Variants in XIRP2 observed in about 807,000 individuals in gnomAD.
The protein encoded by XIRP2 is xin actin-binding repeat-containing protein 2.
In XIRP2, 236 loss-of-function variants were observed where a neutral mutation model predicts 277.0. The ratio of observed to expected loss-of-function variants is 0.85; its 90% CI spans 0.77 to 0.95. The LOEUF (loss-of-function observed/expected upper bound fraction) is 0.95, where lower values mean the gene tolerates loss of function less well. XIRP2 is among the 40% of genes least tolerant of loss of function. XIRP2 has a pLI of 0.00. For missense variants in XIRP2, 4,640 were observed against 4,157.5 expected, an observed-to-expected ratio of 1.12 and a Z score of -3.19; for synonymous variants, 1,490 against 1,416.5, an observed-to-expected ratio of 1.05 and a Z score of -1.17.
intron 2 of XIRP2, among the ~76,000 whole-genome samples, chr2:166,908,936 C>G (rs577147423): frequency 3.9e-5 from 6 of 151,926 alleles, no homozygotes; most frequent in South Asian, 4.2e-4. Context: ...TAGATGTGTG[C>G]TATTATTTCT....
At chr2:167,174,099 G>T (rs374520347) in intron 3 of XIRP2, among the ~76,000 whole-genome samples, 1 of 152,140 alleles carries the variant, frequency 6.6e-6, no homozygotes, top group African/African-American at 2.4e-5. Context: ...TCTCTGCCAG[G>T]TTTCAGTATC....
intron 2 of XIRP2, among the ~76,000 whole-genome samples, chr2:166,921,795 C>A (rs1381184772): frequency 1.3e-5 from 2 of 152,068 alleles, no homozygotes; most frequent in African/African-American, 4.8e-5. Context: ...CCTAATTCTT[C>A]AGCCCACTCT....
Position 167,250,842 on chromosome 2 carries a change from T to C in XIRP2, c.9450T>C (p.Tyr3150=), listed in dbSNP as rs183864874. The part of the protein sequence containing the change: ...ELSQSPKKDS[Y]VEPPPRRPMS... ...CTCAGTCCCCTAAAAAGGACAGTTA[T>C]GTTGAACCCCCACCAAGAAGGCCCA... The change falls in exon 9 of 11, where the codon TAT becomes TAC. Residue 3150 remains tyrosine, a synonymous_variant. Coordinates refer to ENST00000409195, the MANE Select transcript of XIRP2 (RefSeq NM_152381.6). 961 of 1,613,474 alleles carry C rather than the reference T, an allele frequency of 6.0e-4. 3 individuals carry two copies. The African/African-American group carries it at 0.011, about 19-fold the overall frequency.
intron 2 of XIRP2, among the ~76,000 whole-genome samples, chr2:166,913,310 A>ACTC (rs1684765039): frequency 8.7e-6 from 1 of 114,942 alleles, no homozygotes; most frequent in Admixed American, 9.9e-5. Context: ...AATGGTGGGC[A>ACTC]CCCCCCCCCC....
At chr2:167,153,212 T>C (rs1431515686) in intron 3 of XIRP2, among the ~76,000 whole-genome samples, 1 of 152,144 alleles carries the variant, frequency 6.6e-6, no homozygotes, top group East Asian at 1.9e-4. Context: ...CACTTTCATA[T>C]AGAGACTCAA....
chr2:167,127,588 T>C (rs1301772453), intron 2 of XIRP2, among the ~76,000 whole-genome samples: 2 of 152,194 alleles, frequency 1.3e-5, no homozygotes, highest in Non-Finnish European at 2.9e-5. Context: ...AATTGAGTCT[T>C]ACTGTTGAGA....
chr2:167,116,649 A>G (rs1462041747), intron 2 of XIRP2, among the ~76,000 whole-genome samples: 1 of 152,004 alleles, frequency 6.6e-6, no homozygotes, highest in Non-Finnish European at 1.5e-5. Context: ...GATATGTTAG[A>G]CTTTGTGTTT....
intron 2 of XIRP2, among the ~76,000 whole-genome samples, chr2:166,940,104 C>G (rs1264808370): frequency 6.6e-6 from 1 of 152,116 alleles, no homozygotes; most frequent in Non-Finnish European, 1.5e-5. Flanking sequence ...TAGATTTTTT[C>G]TTTCACCTAA....
chr2:167,051,949 A>G (rs1016341151), intron 2 of XIRP2, among the ~76,000 whole-genome samples: 1 of 152,138 alleles, frequency 6.6e-6, no homozygotes, highest in Non-Finnish European at 1.5e-5. Flanking sequence ...TTCTTACTAT[A>G]AGGAAATCTC....
At chr2:167,011,210 G>T (rs1405396887) in intron 2 of XIRP2, among the ~76,000 whole-genome samples, 3 of 151,186 alleles carry the variant, frequency 2.0e-5, no homozygotes, top group Non-Finnish European at 4.4e-5. Context: ...CTGTGGGTTT[G>T]TCATAGATAG....
chr2:167,144,149 ATAACT>A lies in XIRP2; in HGVS notation c.562+8093_562+8097del, dbSNP rs148526919. On this transcript the variant is annotated intron_variant, in intron 3 of 10. Transcript: ENST00000409195. ...ATAATATACATAATGCAATATAAGAATAACTTAACTAATATATGTGAAAACACAGA... is the reference window on the plus strand; with the variant it reads ...ATAATATACATAATGCAATATAAGAATAACTAATATATGTGAAAACACAGA... Among the ~76,000 whole-genome samples, 639 of 152,234 alleles carry A rather than the reference ATAACT, an allele frequency of 4.2e-3. 5 individuals are homozygous for A. The highest frequency in any genetic ancestry group is 0.015 in the African/African-American group (622 of 41,552).
intron 2 of XIRP2, among the ~76,000 whole-genome samples, chr2:166,918,187 A>G (rs1376589698): frequency 1.3e-5 from 2 of 152,180 alleles, no homozygotes; most frequent in Non-Finnish European, 2.9e-5. Context: ...CAGTAAATGG[A>G]AGTTTATCCA....
At chr2:167,183,586 A>G (rs1025373581) in intron 3 of XIRP2, among the ~76,000 whole-genome samples, 1 of 152,026 alleles carries the variant, frequency 6.6e-6, no homozygotes, top group African/African-American at 2.4e-5. Flanking sequence ...TTGAATATCT[A>G]TTTCATTGTG....
intron 5 of XIRP2, among the ~76,000 whole-genome samples, chr2:167,219,354 T>C (rs1694354968): frequency 6.6e-6 from 1 of 152,094 alleles, no homozygotes; most frequent in Non-Finnish European, 1.5e-5. Flanking sequence ...AATGTAGGAG[T>C]CTTTGAGTGT....
At chr2:166,897,298 G>A (rs547876843) in intron 1 of XIRP2, among the ~76,000 whole-genome samples, 7 of 152,202 alleles carry the variant, frequency 4.6e-5, no homozygotes, top group African/African-American at 1.4e-4. Context: ...GTGGCCCTAC[G>A]GAAGTGTGCC....
intron 2 of XIRP2, among the ~76,000 whole-genome samples, chr2:167,044,002 T>A (rs1246476618): frequency 6.6e-6 from 1 of 152,020 alleles, no homozygotes; most frequent in Non-Finnish European, 1.5e-5. Flanking sequence ...GTATTCCTGA[T>A]GAACATAGAT....
chr2:167,073,308 T>A (rs1689480748), intron 2 of XIRP2, among the ~76,000 whole-genome samples: 1 of 152,100 alleles, frequency 6.6e-6, no homozygotes. Context: ...AAGACATCAG[T>A]TTTTTAAGTT....
At chr2:167,208,960 A>T (rs1230821447) in intron 3 of XIRP2, among the ~76,000 whole-genome samples, 1 of 152,240 alleles carries the variant, frequency 6.6e-6, no homozygotes, top group Admixed American at 6.5e-5. Flanking sequence ...AGCCACAGGG[A>T]AAAATAAAGA....
intron 3 of XIRP2, among the ~76,000 whole-genome samples, chr2:167,199,578 C>A (rs1172769335): frequency 2.0e-5 from 3 of 152,156 alleles, no homozygotes; most frequent in Non-Finnish European, 4.4e-5. Flanking sequence ...TGCTTTGACC[C>A]AGAATTAAAT....
Sources: allele counts gnomAD v4.1 joint callset (sites outside exome capture counted in the v4.1 genomes callset), GRCh38; gene constraint gnomAD v4.1.1; transcripts MANE v1.5; gene names NCBI Gene and HGNC (gene_info 2026-07-23, HGNC 2026-07-21).